The following KLHDC4 variants were observed in gnomAD, a reference collection of about 807,000 sequenced individuals.
The protein encoded by KLHDC4 is kelch domain-containing protein 4.
Under a neutral mutation model 62.4 loss-of-function variants are expected in KLHDC4, and 90 were observed. That is an observed-to-expected ratio of 1.44 (90% CI 1.22 to 1.72). The LOEUF is 1.72. Among genes scored for constraint, KLHDC4 ranks in the 40% most tolerant of loss-of-function variants. The pLI, the probability that KLHDC4 is intolerant of heterozygous loss-of-function variation, is 0.00. For missense variants in KLHDC4, 1,025 were observed against 699.7 expected (o/e 1.47, Z -5.25); for synonymous variants, 386 against 284.4 (o/e 1.36, Z -3.59).
intron 2 of KLHDC4, 145 bp from the exon 3 acceptor site, chr16:87,756,622 C>A: frequency 1.7e-6 from 1 of 599,086 alleles, no homozygotes; most frequent in South Asian, 2.0e-5. Flanking sequence ...AGAAAGGAAG[C>A]AAAGGTGCCA....
Position 87,720,403 on chromosome 16 carries a change from C to T in KLHDC4, c.760-5830G>A, listed in dbSNP as rs181966640. Reference sequence around the variant, plus strand: ...ACACCACTGAGACTGTCCATCCAGGCGCCCGAAGACGACTCCTAAACCACC... The same window carrying T: ...ACACCACTGAGACTGTCCATCCAGGTGCCCGAAGACGACTCCTAAACCACC... On this transcript the variant is annotated intron_variant, in intron 7 of 11. Coordinates refer to ENST00000270583, the MANE Select transcript of KLHDC4 (RefSeq NM_017566.4). Among the ~76,000 whole-genome samples the T allele has an allele frequency of 1.3e-4, 20 of 152,288 alleles. No homozygotes were observed. In the East Asian group the frequency reaches 1.5e-3, roughly 12 times the overall value.
chr16:87,744,906 CACACATGCAT>C (rs1021309547), intron 5 of KLHDC4, among the ~76,000 whole-genome samples: 2 of 152,184 alleles, frequency 1.3e-5, no homozygotes, highest in African/African-American at 4.8e-5. Context: ...CATGCAGTCA[CACACATGCAT>C]ACACAGGCAT....
At chr16:87,747,440 C>A (rs563940849) in intron 5 of KLHDC4, 2 of 152,318 alleles carry the variant, frequency 1.3e-5, no homozygotes, top group East Asian at 3.9e-4. Flanking sequence ...AAGATATACA[C>A]AAAGAAATCC....
intron 6 of KLHDC4, 106 bp downstream of exon 6, chr16:87,730,446 T>A: frequency 1.1e-6 from 1 of 943,650 alleles, no homozygotes; most frequent in Non-Finnish European, 1.6e-6. Context: ...AAGCTGGATT[T>A]GGGAGGATGG....
chr16:87,758,139 A>G (rs1233405308), intron 2 of KLHDC4, among the ~76,000 whole-genome samples: 1 of 152,226 alleles, frequency 6.6e-6, no homozygotes, highest in African/African-American at 2.4e-5. Context: ...ATTTGCATAG[A>G]AACATGTCAT....
downstream of KLHDC4, among the ~76,000 whole-genome samples, chr16:87,705,290 A>C (rs2034531986): frequency 6.6e-6 from 1 of 152,248 alleles, no homozygotes; most frequent in African/African-American, 2.4e-5. Flanking sequence ...GGGCCCCGGC[A>C]GACAGAGCAG....
intron 7 of KLHDC4, among the ~76,000 whole-genome samples, chr16:87,724,911 G>A (rs1330450472): frequency 6.6e-6 from 1 of 152,224 alleles, no homozygotes; most frequent in African/African-American, 2.4e-5. Context: ...TTCAGTCACA[G>A]CTGCTTCCAA....
chr16:87,726,297 G>C (rs865802363), intron 7 of KLHDC4, among the ~76,000 whole-genome samples: 150 of 190 alleles, frequency 0.79, 75 homozygotes, highest in African/African-American at 0.96. Flanking sequence ...GTCTCCCCAC[G>C]CCGCGCCTCG....
chr16:87,720,042 C>T (rs987535186), intron 7 of KLHDC4, among the ~76,000 whole-genome samples: 6 of 152,218 alleles, frequency 3.9e-5, no homozygotes, highest in Non-Finnish European at 7.3e-5. Context: ...TTAGCTTAGC[C>T]TGCAGTGAGT....
chr16:87,701,946 G>A (rs768752818), exon 1 of KLHDC4: 226 of 456,256 alleles, frequency 5.0e-4, no homozygotes, highest in Non-Finnish European at 6.6e-4. Flanking sequence ...TGGTAGATGG[G>A]GCTCTGCTCT....
intron 7 of KLHDC4, among the ~76,000 whole-genome samples, chr16:87,721,012 CCCAT>C (rs1274815090): frequency 2.0e-5 from 3 of 152,234 alleles, no homozygotes; most frequent in Non-Finnish European, 4.4e-5. Context: ...AGGGCACCTT[CCCAT>C]CCACATCCGA....
Position 87,713,094 on chromosome 16 carries a change from C to T in KLHDC4, c.835+1404G>A, listed in dbSNP as rs563138402. On this transcript the variant is annotated intron_variant, in intron 8 of 11. Transcript: ENST00000270583. The stretch of plus-strand genomic sequence containing the variant: ...TTGCCTAGGCTGGAGTGCAGTGGCA[C>T]GATCTCAGCTGACGGCAGCCTCCAC... Among the ~76,000 whole-genome samples the T allele has an allele frequency of 1.4e-3, 212 of 152,358 alleles. 1 individual carries two copies. The highest frequency in any genetic ancestry group is 4.6e-3 in the African/African-American group (192 of 41,578).
At chr16:87,722,093 G>A (rs945425033) in intron 7 of KLHDC4, among the ~76,000 whole-genome samples, 4 of 152,136 alleles carry the variant, frequency 2.6e-5, no homozygotes, top group African/African-American at 9.7e-5. Flanking sequence ...GAATGTTGCT[G>A]GGTCTAAGGA....
chr16:87,735,038 C>T (rs535183911), intron 5 of KLHDC4, among the ~76,000 whole-genome samples: 207 of 136,682 alleles, frequency 1.5e-3, no homozygotes, highest in Middle Eastern at 4.8e-3. Context: ...ACGCCCCCTC[C>T]CCCCCAGACG....
intron 5 of KLHDC4, among the ~76,000 whole-genome samples, chr16:87,743,806 C>T (rs1326081567): frequency 6.6e-6 from 1 of 152,030 alleles, no homozygotes; most frequent in African/African-American, 2.4e-5. Context: ...GTTTAGAGGT[C>T]AGGATTTGAC....
intron 5 of KLHDC4, among the ~76,000 whole-genome samples, chr16:87,734,239 G>C (rs1039271740): frequency 2.0e-5 from 3 of 152,082 alleles, no homozygotes; most frequent in African/African-American, 7.2e-5. Context: ...AGCTACTCAG[G>C]AGGCTGAGGC....
At chr16:87,704,603 G>GCCTGGGGAGGGT (rs950440332), downstream of KLHDC4, among the ~76,000 whole-genome samples, 2 of 151,084 alleles carry the variant, frequency 1.3e-5, no homozygotes, top group South Asian at 2.1e-4. Flanking sequence ...AGAAGGAGGC[G>GCCTGGGGAGGGT]CCTGGGGAGG....
intron 2 of KLHDC4, among the ~76,000 whole-genome samples, chr16:87,760,894 A>G (rs1169763397): frequency 4.6e-5 from 7 of 151,384 alleles, no homozygotes. Context: ...TTAGCTGGGT[A>G]TGGTGGCTGG....
intron 6 of KLHDC4, among the ~76,000 whole-genome samples, chr16:87,730,099 A>C (rs1408977725): frequency 1.3e-5 from 2 of 152,140 alleles, no homozygotes; most frequent in Non-Finnish European, 2.9e-5. Flanking sequence ...GATTACAGGC[A>C]CCTGCCACCA....
Sources: gnomAD v4.1 joint callset for allele counts (sites outside exome capture counted in the v4.1 genomes callset) on GRCh38, gnomAD v4.1.1 for gene constraint, MANE v1.5 for transcripts, NCBI Gene and HGNC (gene_info 2026-07-23, HGNC 2026-07-21) for gene names.